Variants in KIR2DL3 observed in about 807,000 individuals in gnomAD.
KIR2DL3 encodes the protein killer cell immunoglobulin-like receptor 2DL3.
Under a neutral mutation model 33.8 loss-of-function variants are expected in KIR2DL3, and 39 were observed. The ratio of observed to expected loss-of-function variants is 1.15; its 90% CI spans 0.89 to 1.51. The LOEUF (loss-of-function observed/expected upper bound fraction) is 1.51, where lower values mean the gene tolerates loss of function less well. Ranked by LOEUF, KIR2DL3 falls within the 40% of genes most tolerant of loss-of-function variation. The pLI, the probability that KIR2DL3 is intolerant of heterozygous loss-of-function variation, is 0.00. For missense variants in KIR2DL3, 462 were observed against 426.2 expected (o/e 1.08, Z -0.74); for synonymous variants, 174 against 160.2 (o/e 1.09, Z -0.65).
At position 54,742,311 on chromosome 19, in the gene KIR2DL3, G is replaced by A. The variant is rs752907898; in HGVS notation, c.370+32G>A. On this transcript the variant is annotated intron_variant, in intron 3 of 7. Transcript: ENST00000342376. ...GTGTCCGGACATTCTCATTGTCATT[G>A]GGATGCAGAGTGAATGATCCACGAC... 7 of 1,611,436 alleles carry A rather than the reference G, an allele frequency of 4.3e-6. No individual in the cohort carries two copies. In the African/African-American group the frequency reaches 6.7e-5, roughly 15 times the overall value.
chr19:54,739,010 AGAGATATGGGCCTGGAGTG>A (rs2070412220), intron 1 of KIR2DL3, among the ~76,000 whole-genome samples: 1 of 83,588 alleles, frequency 1.2e-5, no homozygotes, highest in Non-Finnish European at 2.3e-5. Flanking sequence ...GGCCTGCAGT[AGAGATATGGGCCTGGAGTG>A]GAGATATGGG....
intron 2 of KIR2DL3, among the ~76,000 whole-genome samples, chr19:54,740,200 C>A (rs2070759267): frequency 6.6e-6 from 1 of 152,072 alleles, no homozygotes; most frequent in South Asian, 2.1e-4. Context: ...CGAGGAGAAT[C>A]TTCTGAGCAC....
At chr19:54,749,066 C>T (rs985063044) in intron 5 of KIR2DL3, among the ~76,000 whole-genome samples, 10 of 152,106 alleles carry the variant, frequency 6.6e-5, no homozygotes, top group African/African-American at 2.2e-4. Context: ...TTTGCACACA[C>T]AGCTGTCAGC....
At chr19:54,742,361 G>A in intron 3 of KIR2DL3, 82 bp downstream of exon 3, 2 of 1,535,648 alleles carry the variant, frequency 1.3e-6, no homozygotes, top group South Asian at 1.1e-5. Flanking sequence ...TAGTTGTAAG[G>A]AAGATGAGCT....
chr19:54,750,736 G>A lies in KIR2DL3; in HGVS notation c.716-913G>A, dbSNP rs8113530. On this transcript the variant is annotated intron_variant, in intron 5 of 7. Coordinates refer to ENST00000342376, the MANE Select transcript of KIR2DL3 (RefSeq NM_015868.3). Reference sequence around the variant, plus strand: ...ACACAGAGAATACATTACACAGGCAGGTTCATTACTAACAGATAAGCAGCG... The same window carrying A: ...ACACAGAGAATACATTACACAGGCAAGTTCATTACTAACAGATAAGCAGCG... Among the ~76,000 whole-genome samples the A allele has an allele frequency of 7.2e-3, 1,004 of 138,610 alleles. 35 individuals are homozygous for A. Among genetic ancestry groups the A allele is most frequent in the African/African-American group, 0.026 (947 of 36,834 alleles). 90.9% of individuals were successfully genotyped at this position (138,610 alleles called of 152,430 possible). A position where few individuals can be genotyped will look rare whatever the true frequency, so the allele number is the denominator to read the frequency against.
At chr19:54,740,108 G>A (rs1486034890) in intron 2 of KIR2DL3, among the ~76,000 whole-genome samples, 2 of 152,224 alleles carry the variant, frequency 1.3e-5, no homozygotes, top group African/African-American at 4.8e-5. Flanking sequence ...TTGTTGTAGG[G>A]AGACACCATG....
chr19:54,744,946 ATATATATATTT>A (rs1340855019), intron 4 of KIR2DL3, among the ~76,000 whole-genome samples: 10 of 26,188 alleles, frequency 3.8e-4, no homozygotes, highest in South Asian at 1.5e-3. Context: ...ATATATATAT[ATATATATATTT>A]TTTTTTTTTT....
In KIR2DL3 at chr19:54,752,203, C is replaced by T. The variant is rs777351406; in HGVS notation, c.821-13C>T. ...GCCCTCTGAGCTGTTTTGTTGACTT[C>T]CGTCTTCTACAGATGCTGTTGTAAT... is the stretch of plus-strand genomic sequence containing the variant. On this transcript the variant is annotated splice_polypyrimidine_tract_variant and intron_variant, in intron 6 of 7. Coordinates refer to ENST00000342376, the MANE Select transcript of KIR2DL3 (RefSeq NM_015868.3). 1.6e-4 allele frequency: 227 copies of T among 1,461,448 alleles called. 48 individuals carry two copies. Among genetic ancestry groups the T allele is most frequent in the Non-Finnish European group, 2.0e-4 (220 of 1,075,480 alleles). 90.5% of individuals were successfully genotyped at this position (1,461,448 alleles called of 1,614,324 possible).
In KIR2DL3 at chr19:54,752,836, C is replaced by T. The variant is rs1049279; in HGVS notation, c.*317C>T. The T allele has an allele frequency of 0.14, 67,070 of 477,390 alleles. 7,872 individuals are homozygous for T. The highest frequency in any genetic ancestry group is 0.18 in the Non-Finnish European group (47,985 of 259,990). 29.6% of individuals were successfully genotyped at this position (477,390 alleles called of 1,614,324 possible). Reference sequence around the variant, plus strand: ...CCTAACTGGCTTACTTCCTAGTCTACTTGAGGCTGCAATCACACTGAGGAA... The same window carrying T: ...CCTAACTGGCTTACTTCCTAGTCTATTTGAGGCTGCAATCACACTGAGGAA... On this transcript the variant is annotated 3_prime_UTR_variant, in exon 8 of 8. Coordinates refer to ENST00000342376, the MANE Select transcript of KIR2DL3 (RefSeq NM_015868.3).
Position 54,743,841 on chromosome 19 carries a change from T to A in KIR2DL3, c.417T>A (p.Val139=). The A allele has an allele frequency of 6.2e-7, 1 of 1,613,044 alleles. No individual in the cohort carries two copies. Among genetic ancestry groups the A allele is most frequent in the Non-Finnish European group, 8.5e-7 (1 of 1,179,492 alleles). Residue 139 remains valine, a synonymous_variant, in exon 4 of 8, where the codon GTT becomes GTA. Transcript: ENST00000342376. ...PSLSAQPGPT[V]LAGESVTLSC... is the part of the protein sequence containing the mutation. ...TCTCAGCCCAGCCGGGCCCCACGGTTCTGGCAGGAGAGAGCGTGACCTTGT... is the reference window on the plus strand; with the variant it reads ...TCTCAGCCCAGCCGGGCCCCACGGTACTGGCAGGAGAGAGCGTGACCTTGT...
intron 5 of KIR2DL3, among the ~76,000 whole-genome samples, chr19:54,747,854 G>C (rs201918788): frequency 6.8e-6 from 1 of 147,546 alleles, no homozygotes; most frequent in Non-Finnish European, 1.5e-5. Context: ...GCTCATGCAC[G>C]CACACTTCGA....
At chr19:54,744,529 C>T (rs2071895410) in intron 4 of KIR2DL3, among the ~76,000 whole-genome samples, 1 of 149,008 alleles carries the variant, frequency 6.7e-6, no homozygotes, top group Non-Finnish European at 1.5e-5. Context: ...CCACCTTTAA[C>T]ATTTTTTTTT....
Position 54,742,084 on chromosome 19 carries a change from C to T in KIR2DL3, c.175C>T (p.Leu59Phe), listed in dbSNP as rs2071245896. ...GTCAGATGTCAGGTTTCAGCACTTC[C>T]TTCTGCACAGAGAAGGGAAGTTTAA... is the stretch of plus-strand genomic sequence containing the variant. ...CWSDVRFQHF[L>F]LHREGKFKDT... The change falls in exon 3 of 8, where the codon CTT (leucine) becomes TTT (phenylalanine). Residue 59 changes from leucine to phenylalanine, a missense_variant. Transcript: ENST00000342376. 2.5e-6 allele frequency: 4 copies of T among 1,613,784 alleles called. No individual in the cohort carries two copies. The highest frequency in any genetic ancestry group is 2.2e-5 in the East Asian group (1 of 44,866).
chr19:54,747,477 A>G (rs1382552927), intron 5 of KIR2DL3, 92 bp downstream of exon 5: 4 of 1,476,146 alleles, frequency 2.7e-6, no homozygotes, highest in Non-Finnish European at 3.8e-6. Flanking sequence ...CGCAGCTCTG[A>G]CATTGTACGC....
intron 1 of KIR2DL3, among the ~76,000 whole-genome samples, 159 bp downstream of exon 1, chr19:54,738,738 G>T (rs56256013): frequency 9.7e-6 from 1 of 103,458 alleles, no homozygotes; most frequent in African/African-American, 3.7e-5. Context: ...GGCCTGGAGT[G>T]GAGATATGGG....
At chr19:54,750,767 C>A (rs2073300733) in intron 5 of KIR2DL3, among the ~76,000 whole-genome samples, 1 of 136,192 alleles carries the variant, frequency 7.3e-6, no homozygotes, top group Non-Finnish European at 1.6e-5. Context: ...CAGCGAGTGA[C>A]AACAGAAACC....
At chr19:54,749,416 G>A (rs1402162549) in intron 5 of KIR2DL3, among the ~76,000 whole-genome samples, 1 of 129,418 alleles carries the variant, frequency 7.7e-6, no homozygotes, top group Non-Finnish European at 1.8e-5. Flanking sequence ...TGAAGTAGAT[G>A]GATATAAGAT....
chr19:54,740,666 G>C (rs1308578910), intron 2 of KIR2DL3, among the ~76,000 whole-genome samples: 1 of 151,886 alleles, frequency 6.6e-6, no homozygotes, highest in African/African-American at 2.4e-5. Context: ...TTGTGGTAAA[G>C]GGGGATTGAA....
intron 6 of KIR2DL3, 67 bp from the exon 7 acceptor site, chr19:54,752,149 A>T: frequency 7.1e-7 from 1 of 1,415,648 alleles, no homozygotes; most frequent in Non-Finnish European, 9.6e-7. Context: ...GTATGTTGGT[A>T]TCTGCTTATG....
Sources: gnomAD v4.1 joint callset for allele counts (sites outside exome capture counted in the v4.1 genomes callset) on GRCh38, gnomAD v4.1.1 for gene constraint, MANE v1.5 for transcripts, NCBI Gene and HGNC (gene_info 2026-07-23, HGNC 2026-07-21) for gene names.